The following AHRR variants were observed in gnomAD, a reference collection of about 807,000 sequenced individuals.
The protein encoded by AHRR is aryl hydrocarbon receptor repressor.
AHRR carries 28 observed loss-of-function variants against 44.0 expected under a neutral mutation model. The observed-to-expected ratio is 0.64, with a 90% CI of 0.47 to 0.87. The LOEUF is 0.87. AHRR is among the 40% of genes least tolerant of loss of function. The probability of loss-of-function intolerance (pLI) is 0.00; values close to 1 mark genes in which losing one functional copy is unlikely to be tolerated. For missense variants in AHRR, 990 were observed against 953.9 expected (o/e 1.04, Z -0.50); for synonymous variants, 434 against 407.0 (o/e 1.07, Z -0.80).
intron 4 of AHRR, among the ~76,000 whole-genome samples, chr5:401,434 C>G (rs1028796192): frequency 2.0e-5 from 3 of 152,220 alleles, no homozygotes; most frequent in South Asian, 2.1e-4. Flanking sequence ...GGGATTGGCC[C>G]ATGGTCCCTC....
At position 326,339 on chromosome 5, in the gene AHRR, T is replaced by C. The variant is rs1741711469; in HGVS notation, c.-11+4520T>C. On this transcript the variant is annotated intron_variant, in intron 1 of 10. Coordinates refer to ENST00000684583, the MANE Select transcript of AHRR (RefSeq NM_001377236.1). The surrounding 1 kb of genome is among the most constrained non-coding windows in gnomAD (Gnocchi z 4.1). ...AGGATATATCATGCAATGGGGTCAGTGTGTGTCCTTCTGTGTCCAGCTTCT... is the reference window on the plus strand; with the variant it reads ...AGGATATATCATGCAATGGGGTCAGCGTGTGTCCTTCTGTGTCCAGCTTCT... 1.3e-5 allele frequency among the ~76,000 whole-genome samples: 2 copies of C among 152,228 alleles called. No homozygotes were observed. Among genetic ancestry groups the C allele is most frequent in the Non-Finnish European group, 1.5e-5 (1 of 68,026 alleles).
intron 6 of AHRR, among the ~76,000 whole-genome samples, chr5:423,623 G>A (rs1333259587): frequency 6.6e-6 from 1 of 152,178 alleles, no homozygotes; most frequent in African/African-American, 2.4e-5. Context: ...TTGGTCCATC[G>A]TCATGCATGC....
intron 4 of AHRR, among the ~76,000 whole-genome samples, chr5:393,115 A>T (rs1434134055): frequency 6.6e-6 from 1 of 152,012 alleles, no homozygotes; most frequent in Non-Finnish European, 1.5e-5. Context: ...GAAGGTGCAC[A>T]TTCTGCTTTT....
intron 4 of AHRR, 69 bp downstream of exon 4, chr5:376,785 G>C: frequency 7.4e-7 from 1 of 1,349,122 alleles, no homozygotes. Context: ...TTCAGGCTCA[G>C]TCATACTCCG....
chr5:414,947 G>A (rs1328463518), intron 5 of AHRR, among the ~76,000 whole-genome samples: 7 of 152,236 alleles, frequency 4.6e-5, no homozygotes. Context: ...AGCAACAGAG[G>A]GGCAGCAGTG....
Position 434,808 on chromosome 5 carries a change from G to C in AHRR, c.2068G>C (p.Ala690Pro). The change falls in exon 11 of 11, where the codon GCT (alanine) becomes CCT (proline). Residue 690 changes from alanine (A) to proline (P), a missense_variant. By Grantham distance (27) the Ala-to-Pro change is conservative. Transcript: ENST00000684583. ...CTTGGCCACGCTGGTCCCGCCCCAA[G>C]CTTCGGGGTGCACATTCCTGCCATA... The part of the protein sequence containing the change: ...SALATLVPPQ[A>P]SGCTFLP 6.4e-7 allele frequency: 1 copy of C among 1,551,636 alleles called. No individual in the cohort carries two copies. Among genetic ancestry groups the C allele is most frequent in the South Asian group, 1.2e-5 (1 of 84,270 alleles).
At chr5:423,145 G>C (rs992893338) in intron 6 of AHRR, among the ~76,000 whole-genome samples, 1 of 152,176 alleles carries the variant, frequency 6.6e-6, no homozygotes, top group Non-Finnish European at 1.5e-5. Context: ...ACCACGAGCT[G>C]CAGTCCTGGC....
At chr5:420,980 A>T (rs1736080369) in intron 5 of AHRR, 2 of 312,922 alleles carry the variant, frequency 6.4e-6, no homozygotes, top group Admixed American at 1.1e-4. Flanking sequence ...GAACAGCCAA[A>T]ATATACACGA....
chr5:414,376 T>C (rs1735623205), intron 5 of AHRR, among the ~76,000 whole-genome samples: 1 of 152,174 alleles, frequency 6.6e-6, no homozygotes, highest in Admixed American at 6.5e-5. Context: ...CAGATGCTGG[T>C]TGTAGAATTA....
chr5:381,803 C>T lies in AHRR; in HGVS notation c.351+5087C>T, dbSNP rs762481858. Reference sequence around the variant, plus strand: ...TGCTGGGATTACAGGCGTGAGCCACCGTACCCAGCCTGCTTTTTTTTGTTT... The same window carrying T: ...TGCTGGGATTACAGGCGTGAGCCACTGTACCCAGCCTGCTTTTTTTTGTTT... On this transcript the variant is annotated intron_variant, in intron 4 of 10. Coordinates refer to ENST00000684583, the MANE Select transcript of AHRR (RefSeq NM_001377236.1). Among the ~76,000 whole-genome samples the T allele has an allele frequency of 6.8e-4, 104 of 152,160 alleles. 1 individual carries two copies. Among genetic ancestry groups the T allele is most frequent in the Middle Eastern group, 3.4e-3 (1 of 294 alleles).
rs753922521 is a variant in AHRR at position 406,405 on chromosome 5, G to A, written c.352-6939G>A. On this transcript the variant is annotated intron_variant, in intron 4 of 10. Coordinates refer to ENST00000684583, the MANE Select transcript of AHRR (RefSeq NM_001377236.1). This position sits in a 1 kb window ranked among gnomAD's most constrained non-coding sequence, Gnocchi z 4.7. ...ATCACTCCATGTGGGAGGCTGGGAG[G>A]CAAACATTTTTGTGTGAGCTAGCTA... Among the ~76,000 whole-genome samples, 5 of 152,256 alleles carry A rather than the reference G, an allele frequency of 3.3e-5. No individual in the cohort carries two copies. Among genetic ancestry groups the A allele is most frequent in the Non-Finnish European group, 7.3e-5 (5 of 68,046 alleles).
intron 1 of AHRR, among the ~76,000 whole-genome samples, chr5:343,295 G>A (rs1001428423): frequency 1.4e-5 from 2 of 146,154 alleles, no homozygotes; most frequent in Non-Finnish European, 3.1e-5. Context: ...GGGGTGACGT[G>A]AACACAGAAC....
Position 376,093 on chromosome 5 carries a change from G to A in AHRR, c.245-517G>A, listed in dbSNP as rs1288261024. Among the ~76,000 whole-genome samples the A allele has an allele frequency of 3.9e-5, 6 of 152,206 alleles. No individual in the cohort carries two copies. The South Asian group carries it at 1.2e-3, about 31-fold the overall frequency. On this transcript the variant is annotated intron_variant, in intron 3 of 10. Transcript: ENST00000684583. ...AGGGGGCTGCGTGGGTTCCAGGAGG[G>A]AGAGGCGATGCGGGTGTGCAGGGCA...
chr5:415,611 G>C (rs75387301), intron 5 of AHRR, among the ~76,000 whole-genome samples: 2 of 87,262 alleles, frequency 2.3e-5, no homozygotes, highest in Admixed American at 1.1e-4. Flanking sequence ...CTGCCTGGTG[G>C]GGCGGGAGGC....
chr5:346,818 A>C (rs1742693785), intron 2 of AHRR, among the ~76,000 whole-genome samples: 1 of 152,228 alleles, frequency 6.6e-6, no homozygotes. Context: ...TGAATGATGA[A>C]CACGCGGAAG....
chr5:387,761 G>A lies in AHRR; in HGVS notation c.351+11045G>A, dbSNP rs11742957. Among the ~76,000 whole-genome samples, 11,850 of 152,280 alleles carry A rather than the reference G, an allele frequency of 0.078. 654 individuals carry two copies. The highest frequency in any genetic ancestry group is 0.11 in the Admixed American group (1,657 of 15,308). On this transcript the variant is annotated intron_variant, in intron 4 of 10. Transcript: ENST00000684583. This position sits in a 1 kb window ranked among gnomAD's most constrained non-coding sequence, Gnocchi z 5.1. ...TACGCTGTACCTGCCGGAACTTGGC[G>A]ACACCATGTCAGCTTCCTGGGGCAG... is the stretch of plus-strand genomic sequence containing the variant.
At chr5:322,028 G>A (rs1028696912) in intron 1 of AHRR, among the ~76,000 whole-genome samples, 2 of 152,076 alleles carry the variant, frequency 1.3e-5, no homozygotes, top group Non-Finnish European at 2.9e-5. Context: ...TCGGACCTCG[G>A]AGGGAAGCCG....
At position 434,843 on chromosome 5, in the gene AHRR, C is replaced by T. The variant is rs1207038270; in HGVS notation, c.*9C>T. The T allele has an allele frequency of 2.6e-6, 4 of 1,537,012 alleles. No individual in the cohort carries two copies. Among genetic ancestry groups the T allele is most frequent in the African/African-American group, 1.4e-5 (1 of 73,166 alleles). On this transcript the variant is annotated 3_prime_UTR_variant, in exon 11 of 11. Transcript: ENST00000684583. ...GCACATTCCTGCCATAGCGCAGTGA[C>T]CACCATCCAAGCTCAGATCTGTGTG...
At chr5:403,549 C>T (rs189492500) in intron 4 of AHRR, among the ~76,000 whole-genome samples, 7 of 151,064 alleles carry the variant, frequency 4.6e-5, no homozygotes, top group South Asian at 2.1e-4. Flanking sequence ...AGCAGGAGAA[C>T]TGCTTGAACC....
Sources: allele counts gnomAD v4.1 joint callset (sites outside exome capture counted in the v4.1 genomes callset), GRCh38; gene constraint gnomAD v4.1.1; non-coding constraint Gnocchi (gnomAD v3.1); transcripts MANE v1.5; gene names NCBI Gene and HGNC (gene_info 2026-07-23, HGNC 2026-07-21).